Variants in CHN2 observed in about 807,000 individuals in gnomAD.
CHN2 encodes the protein chimerin 2.
A neutral mutation model predicts 56.3 loss-of-function variants in CHN2; 35 were observed. That is an observed-to-expected ratio of 0.62 (90% CI 0.47 to 0.82). The LOEUF is 0.82. Among genes scored for constraint, CHN2 ranks in the 40% least tolerant of loss-of-function variants. The pLI is 0.00. For synonymous variants in CHN2, 210 were observed against 212.8 expected (o/e 0.99, Z 0.12); for missense variants, 491 against 580.5 (o/e 0.85, Z 1.58).
chr7:29,385,662 G>A (rs914958623), intron 3 of CHN2, among the ~76,000 whole-genome samples: 2 of 152,180 alleles, frequency 1.3e-5, no homozygotes, highest in African/African-American at 2.4e-5. Context: ...ACAATGTGAC[G>A]AGATTTCCTC....
chr7:29,500,562 C>A (rs1562665671), intron 9 of CHN2, among the ~76,000 whole-genome samples: 1 of 152,052 alleles, frequency 6.6e-6, no homozygotes, highest in Admixed American at 6.5e-5. Context: ...TTAGAGTGGG[C>A]AATCAGGGGA....
At chr7:29,507,640 A>G (rs946348141) in intron 11 of CHN2, among the ~76,000 whole-genome samples, 1 of 152,170 alleles carries the variant, frequency 6.6e-6, no homozygotes, top group African/African-American at 2.4e-5. Context: ...TTATATGTTG[A>G]AAGCATGAAT....
At chr7:29,361,479 A>G (rs1798727711) in intron 2 of CHN2, among the ~76,000 whole-genome samples, 1 of 152,198 alleles carries the variant, frequency 6.6e-6, no homozygotes, top group South Asian at 2.1e-4. Flanking sequence ...GGTTTTGCAG[A>G]TTCTGAGACC....
intron 6 of CHN2, among the ~76,000 whole-genome samples, chr7:29,458,380 C>CAT (rs1554296987): frequency 3.6e-5 from 2 of 55,746 alleles, no homozygotes; most frequent in African/African-American, 1.6e-4. Context: ...TAGCTGTGCA[C>CAT]ACACACACAC....
At chr7:29,364,989 TTG>T (rs749768772) in intron 2 of CHN2, among the ~76,000 whole-genome samples, 2 of 152,162 alleles carry the variant, frequency 1.3e-5, no homozygotes, top group Non-Finnish European at 2.9e-5. Flanking sequence ...GTATTTTTGG[TTG>T]TGTGTGTGTC....
At chr7:29,414,403 T>C (rs1206777586) in intron 6 of CHN2, among the ~76,000 whole-genome samples, 1 of 152,208 alleles carries the variant, frequency 6.6e-6, no homozygotes, top group Non-Finnish European at 1.5e-5. Flanking sequence ...GCACGGGGTA[T>C]TGACCACATA....
At chr7:29,431,874 C>T (rs1782882068) in intron 6 of CHN2, among the ~76,000 whole-genome samples, 1 of 152,218 alleles carries the variant, frequency 6.6e-6, no homozygotes, top group East Asian at 1.9e-4. Flanking sequence ...TCCAGATGGT[C>T]CTGATGGCCT....
At chr7:29,383,115 A>G (rs1353072407) in intron 3 of CHN2, among the ~76,000 whole-genome samples, 2 of 152,244 alleles carry the variant, frequency 1.3e-5, no homozygotes, top group East Asian at 3.8e-4. Flanking sequence ...GAGATATAGC[A>G]GTAAGCAAAG....
At chr7:29,470,764 G>A (rs1183235705) in intron 6 of CHN2, among the ~76,000 whole-genome samples, 1 of 152,214 alleles carries the variant, frequency 6.6e-6, no homozygotes, top group Admixed American at 6.5e-5. Context: ...CCCTGAGTGA[G>A]CGGAGCTTGA....
chr7:29,442,837 C>A (rs1323440722), intron 6 of CHN2, among the ~76,000 whole-genome samples: 1 of 151,808 alleles, frequency 6.6e-6, no homozygotes, highest in Non-Finnish European at 1.5e-5. Flanking sequence ...ATTTTTTCAG[C>A]GATTAATACC....
chr7:29,327,997 C>T (rs1160114360), intron 1 of CHN2, among the ~76,000 whole-genome samples: 1 of 152,166 alleles, frequency 6.6e-6, no homozygotes, highest in African/African-American at 2.4e-5. Flanking sequence ...GATTGTCAGA[C>T]ATGGATTCTA....
chr7:29,177,026 GA>G (rs1407976532), intron 2 of CHN2, among the ~76,000 whole-genome samples: 1 of 151,928 alleles, frequency 6.6e-6, no homozygotes, highest in African/African-American at 2.4e-5. Flanking sequence ...GCAAGAAAGA[GA>G]GGGGAAAAAA....
At chr7:29,301,986 AT>A (rs1793709502) in intron 1 of CHN2, among the ~76,000 whole-genome samples, 1 of 152,112 alleles carries the variant, frequency 6.6e-6, no homozygotes, top group South Asian at 2.1e-4. Flanking sequence ...TGGCACTGAA[AT>A]TTGTGAGATG....
intron 9 of CHN2, among the ~76,000 whole-genome samples, 169 bp downstream of exon 9, chr7:29,500,209 C>G (rs1036954969): frequency 6.6e-6 from 1 of 152,062 alleles, no homozygotes; most frequent in African/African-American, 2.4e-5. Context: ...TCAATCCAAC[C>G]AGCTATATCA....
chr7:29,182,396 A>T (rs891332851), intron 2 of CHN2, among the ~76,000 whole-genome samples: 46 of 118,572 alleles, frequency 3.9e-4, no homozygotes, highest in Admixed American at 1.6e-3. Context: ...GTGATATGAC[A>T]CATAGAGTGT....
At chr7:29,338,025 T>A (rs970327235) in intron 1 of CHN2, among the ~76,000 whole-genome samples, 2 of 152,232 alleles carry the variant, frequency 1.3e-5, no homozygotes, top group African/African-American at 4.8e-5. Flanking sequence ...GGGCCCCATC[T>A]ATTTTTACTG....
chr7:29,413,198 G>T (rs1312089076), intron 6 of CHN2, among the ~76,000 whole-genome samples: 2 of 152,204 alleles, frequency 1.3e-5, no homozygotes, highest in African/African-American at 4.8e-5. Flanking sequence ...TGAACTTAAT[G>T]AAGTCCAAGT....
At chr7:29,226,587 T>C (rs1345659098) in intron 1 of CHN2, among the ~76,000 whole-genome samples, 1 of 152,194 alleles carries the variant, frequency 6.6e-6, no homozygotes, top group Non-Finnish European at 1.5e-5. Flanking sequence ...TGCTGTTACA[T>C]ATATAGCAAC....
intron 1 of CHN2, among the ~76,000 whole-genome samples, chr7:29,224,631 CA>C (rs1462955463): frequency 3.9e-5 from 6 of 152,058 alleles, no homozygotes; most frequent in Admixed American, 2.0e-4. Flanking sequence ...CTCTGTTTAC[CA>C]AAGAGATTAT....
Sources: gnomAD v4.1 joint callset for allele counts (sites outside exome capture counted in the v4.1 genomes callset) on GRCh38, gnomAD v4.1.1 for gene constraint, MANE v1.5 for transcripts, NCBI Gene and HGNC (gene_info 2026-07-23, HGNC 2026-07-21) for gene names.